SNX7: variants seen among roughly 807,000 people sequenced by gnomAD.
SNX7 encodes the protein sorting nexin-7.
A neutral mutation model predicts 48.4 loss-of-function variants in SNX7; 35 were observed. That is an observed-to-expected ratio of 0.72 (90% CI 0.55 to 0.96). SNX7 has a LOEUF of 0.96. SNX7 is among the 40% of genes least tolerant of loss of function. The pLI, the probability that SNX7 is intolerant of heterozygous loss-of-function variation, is 0.00. For missense variants in SNX7, 553 were observed against 548.9 expected (o/e 1.01, Z -0.07); for synonymous variants, 190 against 190.2 (o/e 1.00, Z 0.01).
intron 2 of SNX7, among the ~76,000 whole-genome samples, chr1:98,689,862 C>A (rs1651018529): frequency 6.6e-6 from 1 of 152,054 alleles, no homozygotes; most frequent in African/African-American, 2.4e-5. Context: ...ATATCATGTA[C>A]CATGTTGCAT....
chr1:98,737,901 GGA>G (rs1425160490), intron 7 of SNX7, among the ~76,000 whole-genome samples: 1 of 152,142 alleles, frequency 6.6e-6, no homozygotes, highest in East Asian at 1.9e-4. Flanking sequence ...GTAGTTGTAA[GGA>G]GAGTCTTAAT....
At chr1:98,668,966 A>G (rs1470942938) in intron 1 of SNX7, among the ~76,000 whole-genome samples, 8 of 152,286 alleles carry the variant, frequency 5.3e-5, no homozygotes, top group African/African-American at 1.9e-4. Context: ...CTTTTTTACT[A>G]AGGCTGTTCC....
At chr1:98,724,440 GA>G (rs1383440109) in intron 7 of SNX7, among the ~76,000 whole-genome samples, 1 of 151,462 alleles carries the variant, frequency 6.6e-6, no homozygotes, top group Non-Finnish European at 1.5e-5. Flanking sequence ...TAATTTGTAT[GA>G]GAATGTTATT....
chr1:98,664,830 G>A (rs1168137696), intron 1 of SNX7, among the ~76,000 whole-genome samples: 1 of 152,004 alleles, frequency 6.6e-6, no homozygotes, highest in Admixed American at 6.6e-5. Context: ...GGGGATAGAT[G>A]TTAGAAGGAA....
At chr1:98,682,326 A>G (rs907674165) in intron 1 of SNX7, among the ~76,000 whole-genome samples, 1 of 152,066 alleles carries the variant, frequency 6.6e-6, no homozygotes, top group Non-Finnish European at 1.5e-5. Context: ...AAAACTGTCA[A>G]TGTAGAACAT....
At chr1:98,738,485 G>A in intron 8 of SNX7, 96 bp downstream of exon 8, 1 of 1,224,438 alleles carries the variant, frequency 8.2e-7, no homozygotes, top group South Asian at 1.5e-5. Context: ...AAGAACAAGT[G>A]TCACATTCTA....
intron 5 of SNX7, among the ~76,000 whole-genome samples, chr1:98,697,063 C>G (rs1046085252): frequency 6.6e-6 from 1 of 151,944 alleles, no homozygotes. Context: ...AAATATTGTT[C>G]AGGTTTAATG....
chr1:98,720,255 A>T (rs1652795173), intron 7 of SNX7, among the ~76,000 whole-genome samples: 1 of 152,064 alleles, frequency 6.6e-6, no homozygotes, highest in Admixed American at 6.6e-5. Flanking sequence ...CAAATACCTG[A>T]ATCATGAGAG....
intron 7 of SNX7, among the ~76,000 whole-genome samples, chr1:98,712,389 T>C (rs2100992323): frequency 6.6e-6 from 1 of 152,334 alleles, no homozygotes; most frequent in Non-Finnish European, 1.5e-5. Context: ...TCATGGACTA[T>C]GGAAGTTACA....
intron 2 of SNX7, among the ~76,000 whole-genome samples, chr1:98,685,277 T>C (rs1286735547): frequency 6.6e-6 from 1 of 152,184 alleles, no homozygotes. Flanking sequence ...ACTTGAGAAA[T>C]AGTCACTCAT....
intron 8 of SNX7, among the ~76,000 whole-genome samples, chr1:98,740,568 A>G (rs1194453243): frequency 1.3e-5 from 2 of 152,172 alleles, no homozygotes; most frequent in South Asian, 4.1e-4. Context: ...GATTTTTTTA[A>G]AAGTGTTCAT....
At chr1:98,672,583 T>TA (rs1649928381) in intron 1 of SNX7, among the ~76,000 whole-genome samples, 1 of 151,684 alleles carries the variant, frequency 6.6e-6, no homozygotes, top group Non-Finnish European at 1.5e-5. Context: ...ACCAAATTTT[T>TA]AGAATAGAGT....
At chr1:98,736,666 A>T (rs1023473094) in intron 7 of SNX7, among the ~76,000 whole-genome samples, 1 of 152,168 alleles carries the variant, frequency 6.6e-6, no homozygotes, top group African/African-American at 2.4e-5. Context: ...ACTGAAATAC[A>T]TCTTACATTG....
chr1:98,664,473 G>C (rs1288340526), intron 1 of SNX7, among the ~76,000 whole-genome samples: 1 of 152,116 alleles, frequency 6.6e-6, no homozygotes, highest in Non-Finnish European at 1.5e-5. Flanking sequence ...GGTTGCAGTG[G>C]GCTGAGAGAT....
At chr1:98,752,269 G>A (rs531626084) in intron 8 of SNX7, among the ~76,000 whole-genome samples, 1 of 152,054 alleles carries the variant, frequency 6.6e-6, no homozygotes, top group Admixed American at 6.6e-5. Context: ...TCGTACTCAA[G>A]AGCAAAGAAA....
At chr1:98,742,016 G>A (rs936936250) in intron 8 of SNX7, among the ~76,000 whole-genome samples, 1 of 152,096 alleles carries the variant, frequency 6.6e-6, no homozygotes, top group African/African-American at 2.4e-5. Context: ...TCTGGACTTG[G>A]CAACAGCTAT....
At chr1:98,736,382 G>T (rs773110237) in intron 7 of SNX7, among the ~76,000 whole-genome samples, 6 of 152,136 alleles carry the variant, frequency 3.9e-5, no homozygotes, top group African/African-American at 4.8e-5. Flanking sequence ...GCTCTCTAAC[G>T]TCCCTGAGGT....
At chr1:98,742,242 A>G (rs148868701) in intron 8 of SNX7, among the ~76,000 whole-genome samples, 172 of 152,178 alleles carry the variant, frequency 1.1e-3, no homozygotes, top group Middle Eastern at 3.4e-3. Context: ...ATTCCCAATG[A>G]TGAGGGTAGG....
At chr1:98,702,103 G>C (rs1221014930) in intron 7 of SNX7, among the ~76,000 whole-genome samples, 200 bp downstream of exon 7, 6 of 151,958 alleles carry the variant, frequency 3.9e-5, no homozygotes, top group African/African-American at 9.7e-5. Flanking sequence ...AACAATGACG[G>C]TTTTCTGCCT....
Sources: allele counts gnomAD v4.1 joint callset (sites outside exome capture counted in the v4.1 genomes callset), GRCh38; gene constraint gnomAD v4.1.1; transcripts MANE v1.5; gene names NCBI Gene and HGNC (gene_info 2026-07-23, HGNC 2026-07-21).